CREB3L2: variants seen among roughly 807,000 people sequenced by gnomAD.
CREB3L2 encodes the protein cAMP responsive element binding protein 3 like 2.
CREB3L2 carries 23 observed loss-of-function variants against 57.2 expected under a neutral mutation model. The observed-to-expected ratio is 0.40, with a 90% CI of 0.29 to 0.57. The LOEUF (loss-of-function observed/expected upper bound fraction) is 0.57, where lower values mean the gene tolerates loss of function less well. Among genes scored for constraint, CREB3L2 ranks in the 20% least tolerant of loss-of-function variants. The probability of loss-of-function intolerance (pLI) is 0.42; values close to 1 mark genes in which losing one functional copy is unlikely to be tolerated. For synonymous variants in CREB3L2, 268 were observed against 265.1 expected (o/e 1.01, Z -0.11); for missense variants, 628 against 634.7 (o/e 0.99, Z 0.11).
At chr7:137,935,163 C>T (rs536026181) in intron 1 of CREB3L2, among the ~76,000 whole-genome samples, 8 of 152,220 alleles carry the variant, frequency 5.3e-5, no homozygotes, top group African/African-American at 1.2e-4. Context: ...ACAATAATGC[C>T]GGCAAAGTGA....
intron 6 of CREB3L2, 53 bp from the exon 7 acceptor site, chr7:137,904,070 C>G: frequency 2.0e-6 from 3 of 1,467,318 alleles, no homozygotes; most frequent in Non-Finnish European, 2.9e-6. Context: ...TGTAAGTAAA[C>G]CAGTTAAGAT....
At chr7:137,953,359 A>G in intron 1 of CREB3L2, 1 of 669,126 alleles carries the variant, frequency 1.5e-6, no homozygotes, top group Non-Finnish European at 2.3e-6. Context: ...CTTATGACCA[A>G]ATTACTGCCA....
At chr7:137,921,946 T>C (rs1167464320) in intron 2 of CREB3L2, among the ~76,000 whole-genome samples, 1 of 151,798 alleles carries the variant, frequency 6.6e-6, no homozygotes, top group Non-Finnish European at 1.5e-5. Flanking sequence ...ATTTTTTTTT[T>C]TTTTTTGATA....
chr7:137,935,864 A>T (rs901326456), intron 1 of CREB3L2: 5 of 238,300 alleles, frequency 2.1e-5, no homozygotes, highest in Non-Finnish European at 6.8e-6. Flanking sequence ...TTTTATAAAA[A>T]ATTACCTCGG....
At chr7:137,992,330 T>A (rs1801913518) in intron 1 of CREB3L2, among the ~76,000 whole-genome samples, 1 of 152,126 alleles carries the variant, frequency 6.6e-6, no homozygotes, top group Non-Finnish European at 1.5e-5. Context: ...TTGCCTCTAA[T>A]GAGTGACACG....
intron 1 of CREB3L2, among the ~76,000 whole-genome samples, chr7:137,950,674 AAAAC>A (rs1037425822): frequency 1.5e-4 from 23 of 152,042 alleles, no homozygotes; most frequent in Non-Finnish European, 2.5e-4. Flanking sequence ...GTTTCAGAGT[AAAAC>A]AAACAAACAA....
At chr7:137,904,537 G>C (rs1307276463) in intron 6 of CREB3L2, among the ~76,000 whole-genome samples, 1 of 152,180 alleles carries the variant, frequency 6.6e-6, no homozygotes, top group Non-Finnish European at 1.5e-5. Flanking sequence ...GGTGGTGCAT[G>C]CTTGTAATCC....
chr7:137,928,093 C>G (rs1800516841), intron 2 of CREB3L2, 57 bp downstream of exon 2: 5 of 1,346,864 alleles, frequency 3.7e-6, no homozygotes, highest in Non-Finnish European at 3.1e-6. Context: ...TCCACACCCT[C>G]AAGAGCTCAG....
At chr7:137,938,330 A>C (rs1249864369) in intron 1 of CREB3L2, among the ~76,000 whole-genome samples, 2 of 152,084 alleles carry the variant, frequency 1.3e-5, no homozygotes, top group Non-Finnish European at 2.9e-5. Flanking sequence ...AACTGCTTTC[A>C]GAAATGGGTT....
intron 1 of CREB3L2, among the ~76,000 whole-genome samples, chr7:137,959,526 AG>A (rs1442697684): frequency 1.3e-5 from 2 of 152,262 alleles, no homozygotes; most frequent in African/African-American, 2.4e-5. Flanking sequence ...GCTGGTTCAC[AG>A]AATTGCAGGC....
At chr7:137,959,394 C>A (rs1563265992) in intron 1 of CREB3L2, among the ~76,000 whole-genome samples, 1 of 152,210 alleles carries the variant, frequency 6.6e-6, no homozygotes, top group Non-Finnish European at 1.5e-5. Context: ...TCTCTATCAC[C>A]CCAGCTGATC....
chr7:137,888,952 G>A (rs559943342), intron 8 of CREB3L2, among the ~76,000 whole-genome samples: 1 of 151,942 alleles, frequency 6.6e-6, no homozygotes, highest in Non-Finnish European at 1.5e-5. Context: ...TGTTACTTTT[G>A]CTCCAAAGTC....
chr7:137,997,693 A>AC (rs1341279947), intron 1 of CREB3L2, among the ~76,000 whole-genome samples: 1 of 152,040 alleles, frequency 6.6e-6, no homozygotes, highest in Non-Finnish European at 1.5e-5. Flanking sequence ...GAGCAACTGC[A>AC]CTCTAGTCTG....
intron 7 of CREB3L2, among the ~76,000 whole-genome samples, chr7:137,902,194 C>CAA (rs58506555): frequency 4.7e-5 from 4 of 84,936 alleles, no homozygotes; most frequent in Admixed American, 1.7e-4. Context: ...ACTCTGTCTC[C>CAA]AAAAAAAAAA....
intron 6 of CREB3L2, 98 bp from the exon 7 acceptor site, chr7:137,904,115 G>T: frequency 1.0e-6 from 1 of 956,578 alleles, no homozygotes; most frequent in Non-Finnish European, 1.7e-6. Flanking sequence ...CCAAAGCCCT[G>T]CTTACTTCTG....
At chr7:137,962,590 A>C (rs1801343278) in intron 1 of CREB3L2, among the ~76,000 whole-genome samples, 1 of 151,878 alleles carries the variant, frequency 6.6e-6, no homozygotes, top group Admixed American at 6.6e-5. Context: ...CAAATATCAC[A>C]ACATCAGGCA....
intron 1 of CREB3L2, among the ~76,000 whole-genome samples, chr7:137,929,694 T>C (rs1800568008): frequency 6.7e-6 from 1 of 148,674 alleles, no homozygotes; most frequent in African/African-American, 2.5e-5. Context: ...AACCCTGTCT[T>C]TACTAAATAT....
chr7:137,928,483 A>G (rs1049762950), intron 1 of CREB3L2, 117 bp from the exon 2 acceptor site: 24 of 798,524 alleles, frequency 3.0e-5, no homozygotes, highest in Admixed American at 6.4e-5. Context: ...CTACACACAC[A>G]ATGTCCAGTT....
chr7:137,983,849 C>T (rs1015747448), intron 1 of CREB3L2, among the ~76,000 whole-genome samples: 2 of 152,176 alleles, frequency 1.3e-5, no homozygotes, highest in African/African-American at 2.4e-5. Context: ...CACTCAGGGG[C>T]GGCCCAGTCA....
Sources: allele counts gnomAD v4.1 joint callset (sites outside exome capture counted in the v4.1 genomes callset), GRCh38; gene constraint gnomAD v4.1.1; transcripts MANE v1.5; gene names NCBI Gene and HGNC (gene_info 2026-07-23, HGNC 2026-07-21).